VAV3: variants seen among roughly 807,000 people sequenced by gnomAD.
VAV3 encodes vav guanine nucleotide exchange factor 3, also known as guanine nucleotide exchange factor VAV3.
In VAV3, 94 loss-of-function variants were observed where a neutral mutation model predicts 131.2. The ratio of observed to expected loss-of-function variants is 0.72; its 90% CI spans 0.61 to 0.85. The LOEUF (loss-of-function observed/expected upper bound fraction) is 0.85. Ranked by LOEUF, VAV3 falls within the 40% of genes least tolerant of loss-of-function variation. The pLI, the probability that VAV3 is intolerant of heterozygous loss-of-function variation, is 0.00. For synonymous variants in VAV3, 349 were observed against 342.0 expected, an observed-to-expected ratio of 1.02 and a Z score of -0.22; for missense variants, 939 against 1,002.7, an observed-to-expected ratio of 0.94 and a Z score of 0.86.
At chr1:107,710,119 T>C (rs1660697274) in intron 15 of VAV3, among the ~76,000 whole-genome samples, 2 of 152,308 alleles carry the variant, frequency 1.3e-5, no homozygotes, top group South Asian at 2.1e-4. Context: ...TTTAGTAATA[T>C]AGTTATAGAA....
At chr1:107,582,154 T>C (rs954138683) in intron 25 of VAV3, among the ~76,000 whole-genome samples, 1 of 152,180 alleles carries the variant, frequency 6.6e-6, no homozygotes, top group African/African-American at 2.4e-5. Context: ...TACTCCTAAG[T>C]GGGATGCTTT....
At chr1:107,692,413 GAAT>G (rs1174920507) in intron 17 of VAV3, among the ~76,000 whole-genome samples, 2 of 151,962 alleles carry the variant, frequency 1.3e-5, no homozygotes, top group African/African-American at 4.8e-5. Flanking sequence ...TAGATGGAAG[GAAT>G]AATAACTACT....
intron 2 of VAV3, among the ~76,000 whole-genome samples, chr1:107,786,277 T>C (rs1665999287): frequency 6.6e-6 from 1 of 152,172 alleles, no homozygotes; most frequent in South Asian, 2.1e-4. Flanking sequence ...TACTATTTTT[T>C]GAATCTTCAA....
At chr1:107,764,474 G>C (rs1664624205) in intron 9 of VAV3, among the ~76,000 whole-genome samples, 1 of 152,098 alleles carries the variant, frequency 6.6e-6, no homozygotes, top group Non-Finnish European at 1.5e-5. Flanking sequence ...AATATGCATG[G>C]CCTTTTAATA....
At chr1:107,678,274 C>T (rs572358950) in intron 19 of VAV3, among the ~76,000 whole-genome samples, 201 of 152,212 alleles carry the variant, frequency 1.3e-3, no homozygotes, top group African/African-American at 4.8e-3. Flanking sequence ...TACACATTTA[C>T]AATTATGCTC....
At chr1:107,687,734 G>A (rs1453373274) in intron 18 of VAV3, among the ~76,000 whole-genome samples, 3 of 152,128 alleles carry the variant, frequency 2.0e-5, no homozygotes, top group African/African-American at 7.2e-5. Flanking sequence ...AGTATTTAAT[G>A]ATGGGCAACT....
At chr1:107,602,327 G>C in intron 24 of VAV3, 70 bp downstream of exon 24, 1 of 1,126,684 alleles carries the variant, frequency 8.9e-7, no homozygotes, top group African/African-American at 1.7e-5. Flanking sequence ...AGAAACTATA[G>C]AATTAAAATG....
At chr1:107,741,388 C>T (rs1052995514) in intron 15 of VAV3, among the ~76,000 whole-genome samples, 17 of 152,244 alleles carry the variant, frequency 1.1e-4, no homozygotes, top group East Asian at 1.9e-4. Context: ...CCTGACTAGC[C>T]GCTCCCTGAA....
intron 22 of VAV3, 159 bp downstream of exon 22, chr1:107,609,772 G>T: frequency 1.4e-6 from 1 of 701,420 alleles, no homozygotes; most frequent in Non-Finnish European, 2.4e-6. Flanking sequence ...GGAAAGGTCA[G>T]CAATACATGA....
Position 107,905,138 on chromosome 1 carries a change from T to C in VAV3, c.205-30121A>G, listed in dbSNP as rs185573553. ...AAAATGTATACAAGTCTATGGCATC[T>C]GGCAAGAATGAGAACATTTCCATAT... On this transcript the variant is annotated intron_variant, in intron 1 of 26. Coordinates refer to ENST00000370056, the MANE Select transcript of VAV3 (RefSeq NM_006113.5). Among the ~76,000 whole-genome samples, 235 of 152,324 alleles carry C rather than the reference T, an allele frequency of 1.5e-3. 4 individuals are homozygous for C. The highest frequency in any genetic ancestry group is 5.4e-3 in the African/African-American group (226 of 41,574).
intron 20 of VAV3, among the ~76,000 whole-genome samples, chr1:107,634,275 G>T (rs1654734024): frequency 6.6e-6 from 1 of 152,150 alleles, no homozygotes; most frequent in African/African-American, 2.4e-5. Context: ...AAAACAGTGA[G>T]ATAGACCAAT....
intron 20 of VAV3, among the ~76,000 whole-genome samples, chr1:107,634,600 A>G (rs1214784617): frequency 4.0e-5 from 6 of 150,974 alleles, no homozygotes; most frequent in South Asian, 2.1e-4. Flanking sequence ...AGCAATGGCA[A>G]TGAAAGCCAA....
Position 107,588,926 on chromosome 1 carries a change from G to T in VAV3, c.2350+7286C>A, listed in dbSNP as rs888847749. On this transcript the variant is annotated intron_variant, in intron 25 of 26. Coordinates refer to ENST00000370056, the MANE Select transcript of VAV3 (RefSeq NM_006113.5). ...TCATTCAAGTATTGTTTAGGAGCCT[G>T]CATTGGCTAGAAGTGCAGTCTCTCA... Among the ~76,000 whole-genome samples, 284 of 152,294 alleles carry T rather than the reference G, an allele frequency of 1.9e-3. 5 individuals are homozygous for T. Among genetic ancestry groups the T allele is most frequent in the East Asian group, 7.7e-4 (4 of 5,186 alleles).
intron 19 of VAV3, among the ~76,000 whole-genome samples, chr1:107,681,281 A>C (rs1374954527): frequency 6.6e-6 from 1 of 152,196 alleles, no homozygotes; most frequent in Non-Finnish European, 1.5e-5. Flanking sequence ...AGAAATACTA[A>C]CAGCAAATAA....
chr1:107,880,938 C>T (rs1018003901), intron 1 of VAV3, among the ~76,000 whole-genome samples: 17 of 152,272 alleles, frequency 1.1e-4, no homozygotes, highest in Non-Finnish European at 2.2e-4. Context: ...ATTCAATCCT[C>T]ACAACAATCC....
rs17229633 is a variant in VAV3, at chr1:107,751,222, T to C, written c.1174-20A>G. ...TTGGTTCTAAAATATAAAATGCACATGTCAGAGTTTTTCATAATCACATGA... is the reference window on the plus strand; with the variant it reads ...TTGGTTCTAAAATATAAAATGCACACGTCAGAGTTTTTCATAATCACATGA... On this transcript the variant is annotated intron_variant, in intron 12 of 26. Transcript: ENST00000370056. The C allele has an allele frequency of 2.8e-3, 4,394 of 1,578,312 alleles. 6 individuals carry two copies. The highest frequency in any genetic ancestry group is 3.5e-3 in the Non-Finnish European group (4,084 of 1,158,802).
At chr1:107,625,094 C>T (rs538868789) in intron 20 of VAV3, among the ~76,000 whole-genome samples, 3 of 152,104 alleles carry the variant, frequency 2.0e-5, no homozygotes, top group South Asian at 2.1e-4. Flanking sequence ...CAGAGCACGA[C>T]CTAAGGATTT....
Position 107,589,408 on chromosome 1 carries a change from G to C in VAV3, c.2350+6804C>G, listed in dbSNP as rs548594916. On this transcript the variant is annotated intron_variant, in intron 25 of 26. Transcript: ENST00000370056. Reference sequence around the variant, plus strand: ...GTGACGTGAAGACCAGCAGAGACTGGAGCGGTGCATCTATAAACCAAGCCA... The same window carrying C: ...GTGACGTGAAGACCAGCAGAGACTGCAGCGGTGCATCTATAAACCAAGCCA... 3.9e-5 allele frequency among the ~76,000 whole-genome samples: 6 copies of C among 152,308 alleles called. No homozygotes were observed. In the East Asian group the frequency reaches 9.7e-4, roughly 25 times the overall value.
chr1:107,806,969 A>G (rs1667089765), intron 2 of VAV3, among the ~76,000 whole-genome samples: 1 of 152,222 alleles, frequency 6.6e-6, no homozygotes, highest in African/African-American at 2.4e-5. Flanking sequence ...TACTATGTAA[A>G]TAGTTGTTAT....
Sources: gnomAD v4.1 joint callset for allele counts (sites outside exome capture counted in the v4.1 genomes callset) on GRCh38, gnomAD v4.1.1 for gene constraint, MANE v1.5 for transcripts, NCBI Gene and HGNC (gene_info 2026-07-23, HGNC 2026-07-21) for gene names.